The following SDK1 variants were observed in gnomAD, a reference collection of about 807,000 sequenced individuals.
SDK1 encodes the protein protein sidekick-1.
SDK1 carries 157 observed loss-of-function variants against 245.5 expected under a neutral mutation model. That is an observed-to-expected ratio of 0.64 (90% CI 0.56 to 0.73). The LOEUF is 0.73. Ranked by LOEUF, SDK1 falls within the 30% of genes least tolerant of loss-of-function variation. The probability of loss-of-function intolerance (pLI) is 0.00; values close to 1 mark genes in which losing one functional copy is unlikely to be tolerated. For missense variants in SDK1, 3,583 were observed against 3,002.3 expected (o/e 1.19, Z -4.52); for synonymous variants, 1,647 against 1,278.5 (o/e 1.29, Z -6.15).
chr7:4,233,435 G>T lies in SDK1; in HGVS notation c.5992+16G>T. 6.2e-7 allele frequency: 1 copy of T among 1,608,288 alleles called. No individual in the cohort carries two copies. On this transcript the variant is annotated intron_variant, in intron 41 of 44. Coordinates refer to ENST00000404826, the MANE Select transcript of SDK1 (RefSeq NM_152744.4). ...GCTGTGTCAGGTAGGCCCTCCCAGG[G>T]AGGTCTGTCTTCTTCTGGAGGACTA...
chr7:3,380,165 G>T (rs995434239), intron 1 of SDK1, among the ~76,000 whole-genome samples: 1 of 152,064 alleles, frequency 6.6e-6, no homozygotes, highest in African/African-American at 2.4e-5. Context: ...CTAAAATGAT[G>T]TTTATCTTAT....
chr7:4,108,841 C>A (rs1368585468), intron 22 of SDK1, among the ~76,000 whole-genome samples: 1 of 152,152 alleles, frequency 6.6e-6, no homozygotes, highest in Non-Finnish European at 1.5e-5. Context: ...CCCCTCCTCT[C>A]CCCATCCCCT....
chr7:3,479,143 G>C (rs1289788588), intron 1 of SDK1, among the ~76,000 whole-genome samples: 1 of 152,104 alleles, frequency 6.6e-6, no homozygotes, highest in Non-Finnish European at 1.5e-5. Context: ...TTCAGGCTGG[G>C]TGTGGCAGCT....
intron 2 of SDK1, 72 bp downstream of exon 2, chr7:3,619,311 A>G: frequency 1.6e-6 from 2 of 1,277,348 alleles, no homozygotes; most frequent in Non-Finnish European, 2.2e-6. Context: ...TACTGGTCAT[A>G]ATAGCACAAT....
chr7:3,362,133 G>A (rs889929351), intron 1 of SDK1, among the ~76,000 whole-genome samples: 10 of 152,186 alleles, frequency 6.6e-5, no homozygotes, highest in Non-Finnish European at 1.2e-4. Context: ...TGAGGACTGT[G>A]CTGTGATAAA....
chr7:3,636,713 C>G (rs1003046128), intron 2 of SDK1, among the ~76,000 whole-genome samples: 11 of 152,284 alleles, frequency 7.2e-5, no homozygotes, highest in Non-Finnish European at 1.5e-4. Context: ...GGGAAATATA[C>G]TCAGAAGTGG....
At position 3,703,609 on chromosome 7, in the gene SDK1, C is replaced by T. The variant is rs1457828522; in HGVS notation, c.713+61504C>T. On this transcript the variant is annotated intron_variant, in intron 4 of 44. Transcript: ENST00000404826. Reference sequence around the variant, plus strand: ...CACACATTGCACTAATTTCAATTTCCTGATTTTTCAATGCATTGTATTTCC... The same window carrying T: ...CACACATTGCACTAATTTCAATTTCTTGATTTTTCAATGCATTGTATTTCC... Among the ~76,000 whole-genome samples, 5 of 152,148 alleles carry T rather than the reference C, an allele frequency of 3.3e-5. No individual in the cohort carries two copies. The East Asian group carries it at 5.8e-4, about 18-fold the overall frequency.
Position 4,145,744 on chromosome 7 carries a change from G to A in SDK1, c.4251G>A (p.Leu1417=), listed in dbSNP as rs1779923601. ...IILGYQIAYR[L]ASSSPHTFTT... ...CAGGGTACCAGATTGCCTACCGCCT[G>A]GCCAGCAGCAGCCCCCACACCTTCA... The change falls in exon 29 of 45, where the codon CTG becomes CTA. Residue 1417 remains leucine (L), a synonymous_variant. Transcript: ENST00000404826. 6.2e-7 allele frequency: 1 copy of A among 1,610,200 alleles called. No individual in the cohort carries two copies. Among genetic ancestry groups the A allele is most frequent in the African/African-American group, 1.3e-5 (1 of 74,910 alleles).
chr7:4,102,538 C>G (rs753932591), intron 22 of SDK1, among the ~76,000 whole-genome samples: 1 of 152,192 alleles, frequency 6.6e-6, no homozygotes, highest in Non-Finnish European at 1.5e-5. Flanking sequence ...TGCACCTTGT[C>G]TGCTTCCTCT....
At chr7:3,739,931 C>G (rs1392441033) in intron 4 of SDK1, among the ~76,000 whole-genome samples, 7 of 152,196 alleles carry the variant, frequency 4.6e-5, no homozygotes, top group Admixed American at 1.3e-4. Context: ...TATATTGCTT[C>G]TGTCTGTTAA....
chr7:3,795,398 C>A lies in SDK1; in HGVS notation c.714-26052C>A, dbSNP rs150424467. Among the ~76,000 whole-genome samples the A allele has an allele frequency of 9.4e-4, 143 of 152,064 alleles. 1 individual carries two copies. The highest frequency in any genetic ancestry group is 3.4e-3 in the African/African-American group (140 of 41,476). ...ATTGCTGGAAGGAGTCTGATTCAGG[C>A]CTTATAGATCATTTATATTACAGAG... On this transcript the variant is annotated intron_variant, in intron 4 of 44. Coordinates refer to ENST00000404826, the MANE Select transcript of SDK1 (RefSeq NM_152744.4).
Position 3,646,818 on chromosome 7 carries a change from A to G in SDK1, c.713+4713A>G, listed in dbSNP as rs576373067. Among the ~76,000 whole-genome samples the G allele has an allele frequency of 2.6e-5, 4 of 152,384 alleles. No homozygotes were observed. In the South Asian group the frequency reaches 8.3e-4, roughly 32 times the overall value. On this transcript the variant is annotated intron_variant, in intron 4 of 44. Transcript: ENST00000404826. ...TTGAAAGTAGAGACAATCTACAATT[A>G]TCTCAGATACTATGTTTAATTAAAA...
At position 3,460,135 on chromosome 7, in the gene SDK1, T is replaced by A. The variant is rs912907118; in HGVS notation, c.298+158251T>A. Among the ~76,000 whole-genome samples, 6 of 152,208 alleles carry A rather than the reference T, an allele frequency of 3.9e-5. No homozygotes were observed. The South Asian group carries it at 1.0e-3, about 26-fold the overall frequency. ...TCATAAACTATTGCTTCCTGAAGTG[T>A]TTCAAGCCAAATAAACATTTATCTT... On this transcript the variant is annotated intron_variant, in intron 1 of 44. Transcript: ENST00000404826.
At chr7:3,787,903 A>T (rs1780955791) in intron 4 of SDK1, among the ~76,000 whole-genome samples, 1 of 152,232 alleles carries the variant, frequency 6.6e-6, no homozygotes, top group Non-Finnish European at 1.5e-5. Context: ...TATGGCTGTC[A>T]GTGTCACATG....
intron 4 of SDK1, among the ~76,000 whole-genome samples, chr7:3,682,431 A>G (rs1197664893): frequency 6.6e-6 from 1 of 152,388 alleles, no homozygotes; most frequent in African/African-American, 2.4e-5. Context: ...GTCACAAATC[A>G]TGCACTGTCG....
At position 3,969,363 on chromosome 7, in the gene SDK1, C is replaced by T. The variant is rs1562591762; in HGVS notation, c.1653C>T (p.Tyr551=). Residue 551 remains tyrosine, a synonymous_variant, in exon 11 of 45, where the codon TAC becomes TAT. Coordinates refer to ENST00000404826, the MANE Select transcript of SDK1 (RefSeq NM_152744.4). ...TCTTCATCCAGGATGCCGGCAACTA[C>T]ACCTGCTATGCGGCCAACACAGAGG... ...APVFIQDAGN[Y]TCYAANTEGS... is the part of the protein sequence containing the mutation. The T allele has an allele frequency of 6.2e-7, 1 of 1,611,464 alleles. No individual in the cohort carries two copies. Among genetic ancestry groups the T allele is most frequent in the South Asian group, 1.1e-5 (1 of 90,162 alleles).
chr7:3,333,705 A>G (rs1489486617), intron 1 of SDK1, among the ~76,000 whole-genome samples: 1 of 152,134 alleles, frequency 6.6e-6, no homozygotes, highest in African/African-American at 2.4e-5. Flanking sequence ...AATTAGAACA[A>G]CTTTGACGAT....
chr7:3,766,752 A>G (rs779186634), intron 4 of SDK1, among the ~76,000 whole-genome samples: 7 of 152,234 alleles, frequency 4.6e-5, no homozygotes, highest in Non-Finnish European at 1.0e-4. Flanking sequence ...TGATGAGATT[A>G]GGGCTTGTTC....
At chr7:4,216,900 C>T (rs925767468) in intron 38 of SDK1, among the ~76,000 whole-genome samples, 1 of 152,178 alleles carries the variant, frequency 6.6e-6, no homozygotes, top group Admixed American at 6.5e-5. Context: ...CAGGGCCATC[C>T]CCAGCCATCC....
Sources: allele counts gnomAD v4.1 joint callset (sites outside exome capture counted in the v4.1 genomes callset), GRCh38; gene constraint gnomAD v4.1.1; transcripts MANE v1.5; gene names NCBI Gene and HGNC (gene_info 2026-07-23, HGNC 2026-07-21).